Variants in PTCHD4 observed in about 807,000 individuals in gnomAD.
PTCHD4 encodes the protein patched domain containing 4, also known as patched domain-containing protein 4.
Under a neutral mutation model 58.1 loss-of-function variants are expected in PTCHD4, and 33 were observed. The observed-to-expected ratio is 0.57, with a 90% confidence interval of 0.43 to 0.76. The LOEUF (loss-of-function observed/expected upper bound fraction) is 0.76, where lower values mean the gene tolerates loss of function less well. Ranked by LOEUF, PTCHD4 falls within the 30% of genes least tolerant of loss-of-function variation. The pLI is 0.00. For missense variants in PTCHD4, 1,058 were observed against 1,027.1 expected, an observed-to-expected ratio of 1.03 and a Z score of -0.41; for synonymous variants, 478 against 409.6, an observed-to-expected ratio of 1.17 and a Z score of -2.02.
chr6:47,939,914 T>A (rs1766145747), intron 4 of PTCHD4, among the ~76,000 whole-genome samples: 1 of 152,094 alleles, frequency 6.6e-6, no homozygotes, highest in African/African-American at 2.4e-5. Context: ...TCTGGTTTGA[T>A]GCTGAACTCC....
chr6:48,103,340 CAG>C (rs1463994075), intron 1 of PTCHD4, among the ~76,000 whole-genome samples: 5 of 152,200 alleles, frequency 3.3e-5, no homozygotes, highest in Non-Finnish European at 7.4e-5. Flanking sequence ...CCCAGGCAAA[CAG>C]GGTCTGCAGT....
intron 1 of PTCHD4, among the ~76,000 whole-genome samples, chr6:48,104,223 G>A (rs1399330837): frequency 6.6e-6 from 1 of 152,216 alleles, no homozygotes; most frequent in African/African-American, 2.4e-5. Flanking sequence ...TACCCACAAA[G>A]GGAAGCCCAT....
At chr6:48,096,245 G>A (rs1765467384) in intron 1 of PTCHD4, among the ~76,000 whole-genome samples, 1 of 152,154 alleles carries the variant, frequency 6.6e-6, no homozygotes, top group Non-Finnish European at 1.5e-5. Context: ...AAGGAGGATA[G>A]AGATTGAATG....
At chr6:47,965,868 TC>T (rs1239303334) in intron 4 of PTCHD4, among the ~76,000 whole-genome samples, 1 of 152,008 alleles carries the variant, frequency 6.6e-6, no homozygotes, top group African/African-American at 2.4e-5. Flanking sequence ...TGAGCTGAGA[TC>T]CGGCCACTGC....
intron 3 of PTCHD4, among the ~76,000 whole-genome samples, chr6:48,059,956 C>T (rs914970344): frequency 2.6e-5 from 4 of 152,122 alleles, no homozygotes; most frequent in Non-Finnish European, 4.4e-5. Context: ...TTTTTTACCC[C>T]AAAACTTGGT....
At chr6:48,106,689 A>G (rs1014582699) in intron 1 of PTCHD4, among the ~76,000 whole-genome samples, 1 of 152,174 alleles carries the variant, frequency 6.6e-6, no homozygotes, top group African/African-American at 2.4e-5. Context: ...ACATGATTGA[A>G]TGTCTAGAAA....
At chr6:48,104,386 C>G (rs1027229269) in intron 1 of PTCHD4, among the ~76,000 whole-genome samples, 3 of 152,154 alleles carry the variant, frequency 2.0e-5, no homozygotes, top group African/African-American at 7.2e-5. Flanking sequence ...AAATACTTTA[C>G]AGACAAGCAA....
At chr6:47,897,592 G>GA (rs1404996771) in intron 4 of PTCHD4, among the ~76,000 whole-genome samples, 4 of 152,198 alleles carry the variant, frequency 2.6e-5, no homozygotes, top group African/African-American at 9.7e-5. Context: ...GGTGAAGGAA[G>GA]AAAATCTAGA....
At position 48,063,948 on chromosome 6, in the gene PTCHD4, C is replaced by T. The variant is rs995319102; in HGVS notation, c.417+4282G>A. Among the ~76,000 whole-genome samples, 12 of 152,258 alleles carry T rather than the reference C, an allele frequency of 7.9e-5. No individual in the cohort carries two copies. The East Asian group carries it at 2.3e-3, about 29-fold the overall frequency. On this transcript the variant is annotated intron_variant, in intron 3 of 4. Transcript: ENST00000339488. Reference sequence around the variant, plus strand: ...CTAAATAATTAACGGCAACATCTTCCAAACCTGGAGCATGCACCCAAAATG... The same window carrying T: ...CTAAATAATTAACGGCAACATCTTCTAAACCTGGAGCATGCACCCAAAATG...
rs564547047 is a variant in PTCHD4 at position 47,859,722 on chromosome 6, G to A, written c.*18581C>T. Among the ~76,000 whole-genome samples the A allele has an allele frequency of 6.2e-4, 95 of 152,142 alleles. No individual in the cohort carries two copies. The highest frequency in any genetic ancestry group is 2.1e-3 in the African/African-American group (88 of 41,544). On this transcript the variant is annotated 3_prime_UTR_variant, in exon 5 of 5. Transcript: ENST00000339488. ...AAATCCCATGACAAATATGAAAGAAGGGAGGAGATTTACTATATTTTCATG... is the reference window on the plus strand; with the variant it reads ...AAATCCCATGACAAATATGAAAGAAAGGAGGAGATTTACTATATTTTCATG...
At chr6:48,048,899 T>C (rs332560) in intron 3 of PTCHD4, among the ~76,000 whole-genome samples, 131,637 of 152,012 alleles carry the variant, frequency 0.87, 56,974 homozygotes, top group Middle Eastern at 0.87. Flanking sequence ...TAGAAATTCT[T>C]CAGAGAGTAG....
intron 4 of PTCHD4, among the ~76,000 whole-genome samples, chr6:48,002,179 CA>C (rs1254803962): frequency 2.6e-5 from 4 of 152,188 alleles, no homozygotes; most frequent in African/African-American, 9.7e-5. Flanking sequence ...TAAACTAGTT[CA>C]ACCATTGTGG....
intron 4 of PTCHD4, among the ~76,000 whole-genome samples, chr6:47,914,726 C>T (rs1765180649): frequency 6.9e-6 from 1 of 144,190 alleles, no homozygotes; most frequent in African/African-American, 2.6e-5. Context: ...GTCTGTCTAT[C>T]TATCTATTAT....
intron 4 of PTCHD4, among the ~76,000 whole-genome samples, chr6:47,999,173 C>A (rs188232605): frequency 1.3e-5 from 2 of 152,280 alleles, no homozygotes; most frequent in East Asian, 1.9e-4. Flanking sequence ...ACAATGAGTT[C>A]TTCCTCATCC....
At chr6:48,108,301 GGGA>G (rs1297093858) in intron 1 of PTCHD4, among the ~76,000 whole-genome samples, 1 of 152,064 alleles carries the variant, frequency 6.6e-6, no homozygotes, top group African/African-American at 2.4e-5. Context: ...GTCCTTTGTA[GGGA>G]CATGGATGAA....
At position 47,996,333 on chromosome 6, in the gene PTCHD4, G is replaced by A. The variant is rs140001841; in HGVS notation, c.898+12301C>T. Among the ~76,000 whole-genome samples, 80 of 152,186 alleles carry A rather than the reference G, an allele frequency of 5.3e-4. 3 individuals carry two copies. In the East Asian group the frequency reaches 0.014, roughly 27 times the overall value. On this transcript the variant is annotated intron_variant, in intron 4 of 4. Coordinates refer to ENST00000339488, the MANE Select transcript of PTCHD4 (RefSeq NM_001384253.1). ...TTAATAAAAATTCAAAAATTAGCCG[G>A]GTGTGGTGTTGCATGCCTGTAATCT...
intron 1 of PTCHD4, among the ~76,000 whole-genome samples, chr6:48,085,103 A>G (rs1014705865): frequency 1.3e-5 from 2 of 151,746 alleles, no homozygotes; most frequent in African/African-American, 4.8e-5. Context: ...CAGTCACCCG[A>G]TAGTTAAGTC....
At chr6:48,062,452 T>C (rs1293119284) in intron 3 of PTCHD4, among the ~76,000 whole-genome samples, 1 of 151,958 alleles carries the variant, frequency 6.6e-6, no homozygotes, top group Non-Finnish European at 1.5e-5. Context: ...ACGCTTTCTA[T>C]CCCCACCCCC....
chr6:47,972,314 G>A, intron 4 of PTCHD4, among the ~76,000 whole-genome samples: 1 of 152,086 alleles, frequency 6.6e-6, no homozygotes, highest in Non-Finnish European at 1.5e-5. Context: ...TAGGCAAGTG[G>A]GAGGATAATG....
Sources: gnomAD v4.1 joint callset for allele counts (sites outside exome capture counted in the v4.1 genomes callset) on GRCh38, gnomAD v4.1.1 for gene constraint, MANE v1.5 for transcripts, NCBI Gene and HGNC (gene_info 2026-07-23, HGNC 2026-07-21) for gene names.